The following RBMS3 variants were observed in gnomAD, a reference collection of about 807,000 sequenced individuals.
RBMS3 encodes the protein RNA binding motif single stranded interacting protein 3.
Under a neutral mutation model 66.8 loss-of-function variants are expected in RBMS3, and 27 were observed. The observed-to-expected ratio is 0.40, with a 90% CI of 0.30 to 0.56. RBMS3 has a LOEUF of 0.56. Among genes scored for constraint, RBMS3 ranks in the 20% least tolerant of loss-of-function variants. The pLI, the probability that RBMS3 is intolerant of heterozygous loss-of-function variation, is 0.40. For synonymous variants in RBMS3, 188 were observed against 183.0 expected (o/e 1.03, Z -0.22); for missense variants, 513 against 549.5 (o/e 0.93, Z 0.66).
intron 4 of RBMS3, among the ~76,000 whole-genome samples, chr3:29,718,423 G>C (rs534123578): frequency 1.2e-4 from 18 of 152,090 alleles, no homozygotes; most frequent in African/African-American, 4.1e-4. Context: ...AAGGAATAGG[G>C]AAAATAAGAT....
chr3:29,396,548 G>C (rs2039559484), intron 1 of RBMS3, among the ~76,000 whole-genome samples: 1 of 152,088 alleles, frequency 6.6e-6, no homozygotes, highest in Admixed American at 6.6e-5. Context: ...TCATACTGAA[G>C]TTATTAGGGA....
chr3:29,943,503 A>G (rs1457531223), intron 11 of RBMS3, among the ~76,000 whole-genome samples: 1 of 151,840 alleles, frequency 6.6e-6, no homozygotes, highest in Non-Finnish European at 1.5e-5. Flanking sequence ...CTAATTTTGA[A>G]ATGATTGCCA....
chr3:29,520,681 T>C (rs2044822341), intron 3 of RBMS3, among the ~76,000 whole-genome samples: 3 of 152,136 alleles, frequency 2.0e-5, no homozygotes, highest in Non-Finnish European at 4.4e-5. Flanking sequence ...TATATACAAA[T>C]TAATATGAAG....
At chr3:29,984,556 A>G (rs111807884) in intron 12 of RBMS3, among the ~76,000 whole-genome samples, 6,740 of 151,996 alleles carry the variant, frequency 0.044, 523 homozygotes, top group African/African-American at 0.15. Flanking sequence ...GGATTTATCT[A>G]CCTTTAGTCT....
intron 1 of RBMS3, among the ~76,000 whole-genome samples, chr3:29,313,957 A>G (rs749268175): frequency 1.3e-5 from 2 of 151,696 alleles, no homozygotes; most frequent in Non-Finnish European, 2.9e-5. Flanking sequence ...CCTTTAACAA[A>G]TACACAGAAA....
chr3:29,586,207 G>A (rs1040496036), intron 3 of RBMS3, among the ~76,000 whole-genome samples: 7 of 152,066 alleles, frequency 4.6e-5, no homozygotes, highest in Non-Finnish European at 1.0e-4. Flanking sequence ...ACTCACTCTT[G>A]AGCATTTATA....
intron 1 of RBMS3, among the ~76,000 whole-genome samples, chr3:29,357,262 T>C (rs2037280688): frequency 6.6e-6 from 1 of 151,928 alleles, no homozygotes; most frequent in African/African-American, 2.4e-5. Context: ...AGTGTTCTCA[T>C]TGTTCAATTC....
intron 8 of RBMS3, among the ~76,000 whole-genome samples, chr3:29,886,620 T>G (rs2059877384): frequency 6.6e-6 from 1 of 151,842 alleles, no homozygotes. Context: ...GTGAAGGAAT[T>G]TTATAAGTTT....
chr3:29,556,116 A>C (rs912881628), intron 3 of RBMS3, among the ~76,000 whole-genome samples: 1 of 114,898 alleles, frequency 8.7e-6, no homozygotes, highest in African/African-American at 3.8e-5. Flanking sequence ...TCTATCAGCC[A>C]CAATAAAGTT....
chr3:29,532,779 A>G (rs932392553), intron 3 of RBMS3, among the ~76,000 whole-genome samples: 1 of 152,138 alleles, frequency 6.6e-6, no homozygotes, highest in Non-Finnish European at 1.5e-5. Context: ...AAGAAGTTAA[A>G]AAATCATTAG....
At chr3:29,970,056 C>T (rs993068394) in intron 12 of RBMS3, among the ~76,000 whole-genome samples, 4 of 151,996 alleles carry the variant, frequency 2.6e-5, no homozygotes, top group African/African-American at 4.8e-5. Context: ...AGAGGATGTT[C>T]GTTTATATCC....
intron 8 of RBMS3, among the ~76,000 whole-genome samples, chr3:29,885,782 GA>G (rs2059855479): frequency 6.6e-6 from 1 of 151,746 alleles, no homozygotes; most frequent in African/African-American, 2.4e-5. Context: ...TACCTATCTA[GA>G]GTATGTATTA....
chr3:29,509,614 C>T (rs1030858501), intron 3 of RBMS3, among the ~76,000 whole-genome samples: 5 of 152,070 alleles, frequency 3.3e-5, no homozygotes, highest in South Asian at 2.1e-4. Context: ...CCTTGACTTG[C>T]GAGACTCAGC....
At chr3:29,735,935 A>C (rs1282201818) in intron 4 of RBMS3, among the ~76,000 whole-genome samples, 1 of 152,148 alleles carries the variant, frequency 6.6e-6, no homozygotes, top group East Asian at 1.9e-4. Context: ...TTTGGCCATA[A>C]AAATTTAAGT....
intron 4 of RBMS3, among the ~76,000 whole-genome samples, chr3:29,687,666 G>A (rs919608755): frequency 1.3e-5 from 2 of 152,124 alleles, no homozygotes; most frequent in African/African-American, 4.8e-5. Flanking sequence ...TATAGGGAAT[G>A]TTCATAAAAC....
intron 4 of RBMS3, among the ~76,000 whole-genome samples, chr3:29,657,527 G>A (rs72846058): frequency 0.021 from 3,127 of 152,298 alleles, 79 homozygotes; most frequent in Admixed American, 0.063. Context: ...GTGACTGTCT[G>A]TGATTTCCTT....
At chr3:29,356,012 A>T (rs566583093) in intron 1 of RBMS3, among the ~76,000 whole-genome samples, 1 of 152,208 alleles carries the variant, frequency 6.6e-6, no homozygotes, top group East Asian at 1.9e-4. Context: ...CCATTCAAGA[A>T]CCTCATTTTA....
At chr3:29,515,026 A>C (rs2044568653) in intron 3 of RBMS3, among the ~76,000 whole-genome samples, 1 of 152,124 alleles carries the variant, frequency 6.6e-6, no homozygotes, top group Non-Finnish European at 1.5e-5. Flanking sequence ...AAAGTCACAG[A>C]GCCTGATAGA....
intron 4 of RBMS3, among the ~76,000 whole-genome samples, chr3:29,595,232 A>G (rs2047902246): frequency 6.6e-6 from 1 of 151,758 alleles, no homozygotes; most frequent in Non-Finnish European, 1.5e-5. Flanking sequence ...TCCTGTCTCT[A>G]CTAAAAATAC....
Sources: gnomAD v4.1 joint callset for allele counts (sites outside exome capture counted in the v4.1 genomes callset) on GRCh38, gnomAD v4.1.1 for gene constraint, MANE v1.5 for transcripts, NCBI Gene and HGNC (gene_info 2026-07-23, HGNC 2026-07-21) for gene names.